Variants in CDYL2 observed in about 807,000 individuals in gnomAD.
The protein encoded by CDYL2 is chromodomain Y-like protein 2.
A neutral mutation model predicts 49.4 loss-of-function variants in CDYL2; 23 were observed. The observed-to-expected ratio is 0.47, with a 90% CI of 0.34 to 0.66. CDYL2 has a LOEUF of 0.66. Among genes scored for constraint, CDYL2 ranks in the 30% least tolerant of loss-of-function variants. CDYL2 has a pLI of 0.01. For missense variants in CDYL2, 678 were observed against 656.4 expected, an observed-to-expected ratio of 1.03 and a Z score of -0.36; for synonymous variants, 360 against 268.8, an observed-to-expected ratio of 1.34 and a Z score of -3.32.
At chr16:80,773,919 G>A (rs1004592039) in intron 1 of CDYL2, among the ~76,000 whole-genome samples, 1 of 151,968 alleles carries the variant, frequency 6.6e-6, no homozygotes, top group Non-Finnish European at 1.5e-5. Flanking sequence ...ATAAAGATAA[G>A]AGCCTCAGTT....
At chr16:80,746,011 C>T (rs2142557357) in intron 1 of CDYL2, among the ~76,000 whole-genome samples, 1 of 152,314 alleles carries the variant, frequency 6.6e-6, no homozygotes, top group African/African-American at 2.4e-5. Context: ...GAAGGTAAAG[C>T]TCGCACTTGT....
rs1597140550 is a variant in CDYL2 at position 80,638,180 on chromosome 16, T to C, written c.617-4944A>G. Among the ~76,000 whole-genome samples the C allele has an allele frequency of 3.3e-5, 5 of 152,202 alleles. No individual in the cohort carries two copies. The South Asian group carries it at 8.3e-4, about 25-fold the overall frequency. On this transcript the variant is annotated intron_variant, in intron 2 of 6. Coordinates refer to ENST00000570137, the MANE Select transcript of CDYL2 (RefSeq NM_152342.4). ...GCCTCAACCTCCTAGGCTCAAACTATATTCCCTCCTTAGCCTCCCAAGTAG... is the reference window on the plus strand; with the variant it reads ...GCCTCAACCTCCTAGGCTCAAACTACATTCCCTCCTTAGCCTCCCAAGTAG...
At chr16:80,738,434 A>T (rs1905617066) in intron 1 of CDYL2, among the ~76,000 whole-genome samples, 1 of 152,216 alleles carries the variant, frequency 6.6e-6, no homozygotes, top group African/African-American at 2.4e-5. Flanking sequence ...GGAAACAAAA[A>T]GAAATGAGTA....
intron 2 of CDYL2, among the ~76,000 whole-genome samples, chr16:80,636,698 C>T (rs28846148): frequency 3.3e-5 from 5 of 152,042 alleles, no homozygotes; most frequent in Non-Finnish European, 7.4e-5. Flanking sequence ...GCAATCCCAT[C>T]CTGGGTATAT....
chr16:80,598,608 G>C lies in CDYL2; in HGVS notation c.*5780C>G, dbSNP rs1195769193. On this transcript the variant is annotated 3_prime_UTR_variant, in exon 7 of 7. Transcript: ENST00000570137. ...TTCTTACCCTGGAGGTTCATATTCA[G>C]ATGGAGGAGTCTACACTGGCCAGAT... The C allele has an allele frequency of 6.6e-6, 1 of 152,126 alleles. No homozygotes were observed. 9.4% of individuals were successfully genotyped at this position (152,126 alleles called of 1,614,324 possible). A position where few individuals can be genotyped will look rare whatever the true frequency, so the allele number is the denominator to read the frequency against.
chr16:80,732,136 CATA>C (rs1374601618), intron 1 of CDYL2, among the ~76,000 whole-genome samples: 2 of 152,098 alleles, frequency 1.3e-5, no homozygotes, highest in Non-Finnish European at 2.9e-5. Context: ...TGACGAAATC[CATA>C]ATGATGACAG....
In CDYL2 at chr16:80,613,693, C is replaced by G. The variant is rs1906703432; in HGVS notation, c.1008-857G>C. Among the ~76,000 whole-genome samples the G allele has an allele frequency of 2.0e-5, 3 of 152,294 alleles. No individual in the cohort carries two copies. In the South Asian group the frequency reaches 6.2e-4, roughly 32 times the overall value. On this transcript the variant is annotated intron_variant, in intron 4 of 6. Transcript: ENST00000570137. ...CCTGTATTTCCTTTGCCTCAGAAGG[C>G]TTTTTGCCTTTTCCTAGTTGCTATG...
At chr16:80,692,412 G>A (rs908893933) in intron 1 of CDYL2, among the ~76,000 whole-genome samples, 8 of 152,144 alleles carry the variant, frequency 5.3e-5, no homozygotes, top group Middle Eastern at 3.2e-3. Flanking sequence ...AGATGAGAAC[G>A]GGGGAAGAAG....
intron 1 of CDYL2, among the ~76,000 whole-genome samples, chr16:80,779,269 C>T (rs9922010): frequency 0.13 from 20,068 of 151,948 alleles, 2,255 homozygotes; most frequent in African/African-American, 0.31. Flanking sequence ...ATGTATGTGA[C>T]AGACAAGAAT....
intron 2 of CDYL2, among the ~76,000 whole-genome samples, chr16:80,671,824 A>G (rs1376237181): frequency 6.6e-6 from 1 of 152,244 alleles, no homozygotes; most frequent in African/African-American, 2.4e-5. Context: ...GATATGGTAA[A>G]ATTAGCAGTA....
chr16:80,602,190 G>A lies in CDYL2; in HGVS notation c.*2198C>T, dbSNP rs1906119131. On this transcript the variant is annotated 3_prime_UTR_variant, in exon 7 of 7. Coordinates refer to ENST00000570137, the MANE Select transcript of CDYL2 (RefSeq NM_152342.4). ...AGCTCACATTTGCTTTCTCAAAGGA[G>A]GAGATAAGATCCAGATAGAGCTGTG... The A allele has an allele frequency of 6.6e-6, 1 of 152,222 alleles. No homozygotes were observed. The highest frequency in any genetic ancestry group is 1.5e-5 in the Non-Finnish European group (1 of 68,040). 9.4% of individuals were successfully genotyped at this position (152,222 alleles called of 1,614,324 possible).
chr16:80,688,218 C>T (rs1910275348), intron 1 of CDYL2, among the ~76,000 whole-genome samples: 2 of 152,150 alleles, frequency 1.3e-5, no homozygotes, highest in Admixed American at 1.3e-4. Flanking sequence ...ACCTCTGGTC[C>T]CATTCACAAA....
intron 2 of CDYL2, among the ~76,000 whole-genome samples, chr16:80,680,185 G>A (rs975271323): frequency 2.0e-5 from 3 of 152,190 alleles, no homozygotes; most frequent in Non-Finnish European, 2.9e-5. Flanking sequence ...CAAATGTTGC[G>A]TGTGTGTGTT....
Position 80,604,262 on chromosome 16 carries a change from G to GA in CDYL2, c.*125dup. On this transcript the variant is annotated 3_prime_UTR_variant, in exon 7 of 7. Coordinates refer to ENST00000570137, the MANE Select transcript of CDYL2 (RefSeq NM_152342.4). Reference sequence around the variant, plus strand: ...AGGAGGAGCAACCAAAGGACACGAGGAAATGGACACAACCCTACGTATAAA... The same window carrying GA: ...AGGAGGAGCAACCAAAGGACACGAGGAAAATGGACACAACCCTACGTATAAA... 1 of 1,060,446 alleles carries GA rather than the reference G, an allele frequency of 9.4e-7. No individual in the cohort carries two copies. The highest frequency in any genetic ancestry group is 1.4e-6 in the Non-Finnish European group (1 of 723,224). 65.7% of individuals were successfully genotyped at this position (1,060,446 alleles called of 1,614,324 possible). A position where few individuals can be genotyped will look rare whatever the true frequency, so the allele number is the denominator to read the frequency against.
intron 1 of CDYL2, among the ~76,000 whole-genome samples, chr16:80,727,681 G>T (rs1648451774): frequency 6.6e-6 from 1 of 152,206 alleles, no homozygotes; most frequent in South Asian, 2.1e-4. Flanking sequence ...AGTAACCTCT[G>T]CAGACTTAAA....
In CDYL2 at chr16:80,604,167, C is replaced by T. The variant is rs1396838957; in HGVS notation, c.*221G>A. 6.9e-6 allele frequency: 4 copies of T among 582,254 alleles called. No individual in the cohort carries two copies. The highest frequency in any genetic ancestry group is 3.7e-5 in the African/African-American group (2 of 53,472). 36.1% of individuals were successfully genotyped at this position (582,254 alleles called of 1,614,324 possible). ...GATACAGCCTTGGACAGCTCTCTGG[C>T]CAGGAAGGGCAGGGAGGTGGGGGAG... On this transcript the variant is annotated 3_prime_UTR_variant, in exon 7 of 7. Coordinates refer to ENST00000570137, the MANE Select transcript of CDYL2 (RefSeq NM_152342.4).
intron 1 of CDYL2, among the ~76,000 whole-genome samples, chr16:80,797,376 C>T (rs529616479): frequency 6.6e-6 from 1 of 152,290 alleles, no homozygotes; most frequent in South Asian, 2.1e-4. Flanking sequence ...TTCCCTCAAT[C>T]CCTACAGACC....
chr16:80,718,826 A>G (rs1904900714), intron 1 of CDYL2, among the ~76,000 whole-genome samples: 2 of 152,170 alleles, frequency 1.3e-5, no homozygotes, highest in African/African-American at 4.8e-5. Flanking sequence ...CCAGTCCCTA[A>G]AAGAGGTACT....
rs567434454 is a variant in CDYL2 at position 80,703,401 on chromosome 16, G to A, written c.25-18272C>T. Among the ~76,000 whole-genome samples, 3 of 152,250 alleles carry A rather than the reference G, an allele frequency of 2.0e-5. No individual in the cohort carries two copies. In the South Asian group the frequency reaches 6.2e-4, roughly 32 times the overall value. ...GGTAGAGGTACAGTCAATGCTAGATGAATGAATGAACACAGAAAGCCTCAG... is the reference window on the plus strand; with the variant it reads ...GGTAGAGGTACAGTCAATGCTAGATAAATGAATGAACACAGAAAGCCTCAG... On this transcript the variant is annotated intron_variant, in intron 1 of 6. Coordinates refer to ENST00000570137, the MANE Select transcript of CDYL2 (RefSeq NM_152342.4).
Sources: gnomAD v4.1 joint callset for allele counts (sites outside exome capture counted in the v4.1 genomes callset) on GRCh38, gnomAD v4.1.1 for gene constraint, MANE v1.5 for transcripts, NCBI Gene and HGNC (gene_info 2026-07-23, HGNC 2026-07-21) for gene names.